Variants in SOX5 observed in about 807,000 individuals in gnomAD.
The protein encoded by SOX5 is transcription factor SOX-5.
In SOX5, 9 loss-of-function variants were observed where a neutral mutation model predicts 92.0. The observed-to-expected ratio is 0.10, with a 90% CI of 0.06 to 0.17. The LOEUF (loss-of-function observed/expected upper bound fraction) is 0.17. Among genes scored for constraint, SOX5 ranks in the 10% least tolerant of loss-of-function variants. SOX5 has a pLI of 1.00. For missense variants in SOX5, 642 were observed against 944.5 expected (o/e 0.68, Z 4.20); for synonymous variants, 344 against 336.3 (o/e 1.02, Z -0.25).
At chr12:24,560,631 C>T (rs546906173) in intron 1 of SOX5, among the ~76,000 whole-genome samples, 2 of 152,294 alleles carry the variant, frequency 1.3e-5, no homozygotes, top group African/African-American at 4.8e-5. Context: ...AACAGCAATT[C>T]TCATACAGCT....
At chr12:24,137,260 C>T (rs1453768226) in intron 4 of SOX5, among the ~76,000 whole-genome samples, 1 of 152,108 alleles carries the variant, frequency 6.6e-6, no homozygotes, top group East Asian at 1.9e-4. Context: ...AAGTTCTCTC[C>T]TGAGATTCTG....
At chr12:23,762,623 A>AC in intron 3 of SOX5, 1 of 540,672 alleles carries the variant, frequency 1.8e-6, no homozygotes, top group Non-Finnish European at 3.3e-6. Flanking sequence ...GAAAAAAAAA[A>AC]AAGTCTTTGG....
chr12:23,608,246 T>A (rs1031853413), intron 8 of SOX5, among the ~76,000 whole-genome samples: 23 of 151,364 alleles, frequency 1.5e-4, no homozygotes, highest in Non-Finnish European at 3.1e-4. Context: ...GAAACTAATG[T>A]GTTAGGGATT....
intron 4 of SOX5, among the ~76,000 whole-genome samples, chr12:24,000,130 T>C (rs960534422): frequency 6.6e-6 from 1 of 150,804 alleles, no homozygotes; most frequent in African/African-American, 2.4e-5. Flanking sequence ...TATTATATAA[T>C]ACATAAATAT....
chr12:23,949,617 T>C lies in SOX5; in HGVS notation c.-16A>G. The C allele has an allele frequency of 1.2e-6, 2 of 1,613,780 alleles. No homozygotes were observed. The highest frequency in any genetic ancestry group is 8.5e-7 in the Non-Finnish European group (1 of 1,179,768). On this transcript the variant is annotated 5_prime_UTR_variant, in exon 1 of 15. Coordinates refer to ENST00000451604, the MANE Select transcript of SOX5 (RefSeq NM_006940.6). ...CAGTAAGCATGCTGGAAAAGCACAA[T>C]TTCCCTTTGTCACAGCAGCCACCTA...
At chr12:24,557,691 A>T (rs1953945686) in intron 1 of SOX5, among the ~76,000 whole-genome samples, 3 of 152,232 alleles carry the variant, frequency 2.0e-5, no homozygotes, top group Admixed American at 2.0e-4. Context: ...TGTACATAGG[A>T]TATCATAAAA....
intron 1 of SOX5, among the ~76,000 whole-genome samples, chr12:24,376,831 T>C (rs1193887974): frequency 6.7e-6 from 1 of 148,878 alleles, no homozygotes; most frequent in Non-Finnish European, 1.5e-5. Context: ...CTCAGCCTCC[T>C]GAGTAGGGAT....
Position 24,294,579 on chromosome 12 carries a change from T to C in SOX5, c.-173-17267A>G, listed in dbSNP as rs78445747. ...CACACTTTCTACCTCTCACATGTGGTACATGGAATGGAGTCACCAAAATGC... is the reference window on the plus strand; with the variant it reads ...CACACTTTCTACCTCTCACATGTGGCACATGGAATGGAGTCACCAAAATGC... On this transcript the variant is annotated intron_variant, in intron 2 of 4. Coordinates refer to the SOX5 transcript ENST00000446891. Among the ~76,000 whole-genome samples, 841 of 152,276 alleles carry C rather than the reference T, an allele frequency of 5.5e-3. 6 individuals carry two copies. Among genetic ancestry groups the C allele is most frequent in the Non-Finnish European group, 6.9e-3 (470 of 68,020 alleles).
At chr12:23,649,214 C>G (rs769255091) in intron 7 of SOX5, among the ~76,000 whole-genome samples, 23 of 151,514 alleles carry the variant, frequency 1.5e-4, no homozygotes, top group Non-Finnish European at 2.9e-4. Context: ...ACAGAATCTA[C>G]AAAGCTTCAC....
At chr12:24,039,741 T>C (rs1956351432) in intron 4 of SOX5, among the ~76,000 whole-genome samples, 3 of 152,194 alleles carry the variant, frequency 2.0e-5, no homozygotes, top group Admixed American at 2.0e-4. Context: ...TTTGTAATCA[T>C]TCACATTTCT....
chr12:23,770,336 C>T (rs1337145639), intron 3 of SOX5, among the ~76,000 whole-genome samples: 1 of 152,002 alleles, frequency 6.6e-6, no homozygotes, highest in Admixed American at 6.6e-5. Context: ...AAAGAAAACC[C>T]TGAATTATCA....
At chr12:24,472,583 G>C (rs1297402045) in intron 1 of SOX5, among the ~76,000 whole-genome samples, 2 of 152,186 alleles carry the variant, frequency 1.3e-5, no homozygotes, top group South Asian at 2.1e-4. Flanking sequence ...GCCCCCAAAT[G>C]GTTAACATAA....
At chr12:23,727,753 T>G (rs942577425) in intron 6 of SOX5, among the ~76,000 whole-genome samples, 1 of 152,174 alleles carries the variant, frequency 6.6e-6, no homozygotes, top group Non-Finnish European at 1.5e-5. Flanking sequence ...TAATTAAATT[T>G]TTTGATAGAG....
rs570625113 is a variant in SOX5, at chr12:24,488,363, A to G, written c.-251+73966T>C. Among the ~76,000 whole-genome samples the G allele has an allele frequency of 2.7e-4, 41 of 152,264 alleles. No homozygotes were observed. The South Asian group carries it at 7.9e-3, about 29-fold the overall frequency. ...CAGCGCTTTGAGAGGCCAAGGCAGG[A>G]GGATTGCTTGAGGCCGGGATTCAAG... is the stretch of plus-strand genomic sequence containing the variant. On this transcript the variant is annotated intron_variant, in intron 1 of 4. Coordinates refer to the SOX5 transcript ENST00000446891.
At position 23,530,814 on chromosome 12, in the gene SOX5, TGTGTGCGC is replaced by T. The variant is rs1217376578; in HGVS notation, c.*3397_*3404del. 1.5e-5 allele frequency: 2 copies of T among 135,266 alleles called. No homozygotes were observed. The highest frequency in any genetic ancestry group is 5.3e-5 in the African/African-American group (2 of 37,988). 8.4% of individuals were successfully genotyped at this position (135,266 alleles called of 1,614,324 possible). ...GTTGGGGCAAGTGTGTGTGTGTGTG[TGTGTGCGC>T]GCGCGCGCGCGCGCATGTGAGAGAG... On this transcript the variant is annotated 3_prime_UTR_variant, in exon 15 of 15. Transcript: ENST00000451604.
chr12:23,563,348 C>G lies in SOX5; in HGVS notation c.1398G>C (p.Met466Ile). Reference protein sequence around the residue: ...VTKAIQEARQMKEQLRREQQV... With the variant: ...VTKAIQEARQIKEQLRREQQV... Reference sequence around the variant, plus strand: ...GTTGTTCCCGTCGGAGTTGCTCCTTCATTTGCCGAGCTTCTTGGATTGCCT... The same window carrying G: ...GTTGTTCCCGTCGGAGTTGCTCCTTGATTTGCCGAGCTTCTTGGATTGCCT... The change falls in exon 11 of 15, where the codon ATG becomes ATC. Residue 466 changes from methionine to isoleucine, a missense_variant. Physicochemically the swap from Met to Ile is conservative, Grantham distance 10 (BLOSUM62 1). Transcript: ENST00000451604. The G allele has an allele frequency of 2.5e-6, 4 of 1,614,042 alleles. No individual in the cohort carries two copies. The highest frequency in any genetic ancestry group is 2.5e-6 in the Non-Finnish European group (3 of 1,179,918).
intron 10 of SOX5, among the ~76,000 whole-genome samples, chr12:23,572,280 T>G (rs1221994853): frequency 1.3e-5 from 2 of 152,190 alleles, no homozygotes; most frequent in African/African-American, 2.4e-5. Flanking sequence ...TAATTCTTCT[T>G]TCAGGAGTGA....
At chr12:24,401,133 C>A (rs1281113107) in intron 1 of SOX5, among the ~76,000 whole-genome samples, 1 of 152,070 alleles carries the variant, frequency 6.6e-6, no homozygotes, top group Middle Eastern at 3.2e-3. Context: ...GCGGGCAGAT[C>A]ATGAGGTCAG....
intron 1 of SOX5, among the ~76,000 whole-genome samples, chr12:24,554,172 A>G (rs899361872): frequency 3.9e-5 from 6 of 152,152 alleles, no homozygotes; most frequent in Non-Finnish European, 5.9e-5. Context: ...ACATCAAACA[A>G]CGTCAGCTCT....
Sources: gnomAD v4.1 joint callset for allele counts (sites outside exome capture counted in the v4.1 genomes callset) on GRCh38, gnomAD v4.1.1 for gene constraint, MANE v1.5 for transcripts, NCBI Gene and HGNC (gene_info 2026-07-23, HGNC 2026-07-21) for gene names.